Variants in WDR11 observed in about 807,000 individuals in gnomAD.
WDR11 encodes the protein WD repeat-containing protein 11.
In WDR11, 83 loss-of-function variants were observed where a neutral mutation model predicts 151.2. The ratio of observed to expected loss-of-function variants is 0.55; its 90% confidence interval spans 0.46 to 0.66. The LOEUF (loss-of-function observed/expected upper bound fraction) is 0.66, where lower values mean the gene tolerates loss of function less well. WDR11 is among the 30% of genes least tolerant of loss of function. The probability of loss-of-function intolerance (pLI) is 0.00; values close to 1 mark genes in which losing one functional copy is unlikely to be tolerated. For missense variants in WDR11, 1,301 were observed against 1,480.9 expected (o/e 0.88, Z 1.99); for synonymous variants, 484 against 533.1 (o/e 0.91, Z 1.27).
intron 13 of WDR11, among the ~76,000 whole-genome samples, 177 bp from the exon 14 acceptor site, chr10:120,883,603 G>A (rs1468362746): frequency 1.3e-5 from 2 of 152,200 alleles, no homozygotes; most frequent in Non-Finnish European, 2.9e-5. Context: ...TCTCTTACAG[G>A]TCACTTAGAG....
At chr10:120,885,254 G>C (rs531303888) in intron 14 of WDR11, 3 of 150,298 alleles carry the variant, frequency 2.0e-5, no homozygotes, top group East Asian at 1.9e-4. Context: ...AGTGGAAAGA[G>C]TAAGAAACAG....
intron 17 of WDR11, 47 bp from the exon 18 acceptor site, chr10:120,889,847 CA>C: frequency 1.6e-6 from 2 of 1,284,732 alleles, no homozygotes; most frequent in East Asian, 4.6e-5. Flanking sequence ...TTCTGGTGAC[CA>C]GATCTCACTC....
chr10:120,896,322 G>C (rs1487343302), intron 19 of WDR11, among the ~76,000 whole-genome samples: 1 of 152,198 alleles, frequency 6.6e-6, no homozygotes, highest in African/African-American at 2.4e-5. Context: ...AGAATAGTTA[G>C]AAGATGTAGA....
intron 19 of WDR11, among the ~76,000 whole-genome samples, chr10:120,894,283 TTTTTCCTAAGTAAGCA>T (rs1847529151): frequency 6.6e-6 from 1 of 152,166 alleles, no homozygotes; most frequent in Non-Finnish European, 1.5e-5. Context: ...GCTAAGCACA[TTTTTCCTAAGTAAGCA>T]TATATAGAAA....
intron 19 of WDR11, among the ~76,000 whole-genome samples, chr10:120,899,054 G>A (rs1293837386): frequency 2.0e-5 from 3 of 152,174 alleles, no homozygotes; most frequent in Non-Finnish European, 2.9e-5. Flanking sequence ...GGTCGAGTCC[G>A]ATAGAGTGTA....
intron 17 of WDR11, 153 bp downstream of exon 17, chr10:120,889,337 A>T (rs1847338344): frequency 1.6e-6 from 1 of 629,024 alleles, no homozygotes; most frequent in African/African-American, 1.8e-5. Flanking sequence ...TCCCGGGTTC[A>T]TGCCATTCTC....
intron 14 of WDR11, among the ~76,000 whole-genome samples, chr10:120,884,465 A>G (rs1847143843): frequency 6.6e-6 from 1 of 152,176 alleles, no homozygotes; most frequent in Non-Finnish European, 1.5e-5. Flanking sequence ...ATCTCTACTT[A>G]ATACCGTATA....
At chr10:120,885,977 T>C in intron 15 of WDR11, 39 bp downstream of exon 15, 1 of 1,610,976 alleles carries the variant, frequency 6.2e-7, no homozygotes, top group Non-Finnish European at 8.5e-7. Context: ...ATTTGTGCCA[T>C]TAGCATCATG....
intron 25 of WDR11, among the ~76,000 whole-genome samples, 192 bp from the exon 26 acceptor site, chr10:120,905,127 C>T (rs1026604819): frequency 6.6e-6 from 1 of 152,150 alleles, no homozygotes; most frequent in African/African-American, 2.4e-5. Context: ...CTGTATTGTG[C>T]TTCCTACCCT....
intron 9 of WDR11, among the ~76,000 whole-genome samples, chr10:120,870,424 A>G (rs2133755105): frequency 6.6e-6 from 1 of 152,254 alleles, no homozygotes; most frequent in South Asian, 2.1e-4. Context: ...TACCTTTTTA[A>G]TGAACAGTCT....
chr10:120,886,963 T>C, intron 16 of WDR11, 127 bp downstream of exon 16: 3 of 1,002,298 alleles, frequency 3.0e-6, no homozygotes, highest in Non-Finnish European at 4.5e-6. Flanking sequence ...TTTAAGGAGA[T>C]ATTATCGATT....
rs139368990 is a variant in WDR11 at position 120,862,752 on chromosome 10, A to G, written c.544A>G (p.Ile182Val). 35 of 1,614,108 alleles carry G rather than the reference A, an allele frequency of 2.2e-5. No individual in the cohort carries two copies. The African/African-American group carries it at 4.4e-4, about 20-fold the overall frequency. Residue 182 changes from isoleucine to valine, a missense_variant, in exon 5 of 29, where the codon ATT (isoleucine) becomes GTT (valine). By Grantham distance (29) the Ile-to-Val change is conservative (BLOSUM62 3). Coordinates refer to ENST00000263461, the MANE Select transcript of WDR11 (RefSeq NM_018117.12). The stretch of plus-strand genomic sequence containing the variant: ...CAATATAGTGCTTACCAGCGAGGGT[A>G]TTGTTTTCATCTCAGACTTCTCCCC... ...SHLTLLTSEG[I>V]VFISDFSPSK...
chr10:120,869,273 G>T (rs918412121), intron 9 of WDR11, among the ~76,000 whole-genome samples: 1 of 151,832 alleles, frequency 6.6e-6, no homozygotes, highest in Non-Finnish European at 1.5e-5. Context: ...ACCACGCCCG[G>T]CTAATTTTTT....
chr10:120,876,144 A>G (rs1244930421), intron 11 of WDR11, among the ~76,000 whole-genome samples: 2 of 151,686 alleles, frequency 1.3e-5, no homozygotes, highest in Non-Finnish European at 2.9e-5. Flanking sequence ...ACGCCCAGCT[A>G]ATTTTTGTAT....
chr10:120,858,633 CTTG>C lies in WDR11; in HGVS notation c.199-9_199-7del, dbSNP rs772910800. ...AAGTATTTACTTGATCTGATTTCTT[CTTG>C]ATACAGGTTAAATGGGCCAGGGAAA... On this transcript the variant is annotated splice_region_variant and splice_polypyrimidine_tract_variant and intron_variant, in intron 2 of 28. Transcript: ENST00000263461. The C allele has an allele frequency of 4.3e-6, 7 of 1,614,122 alleles. No homozygotes were observed. The highest frequency in any genetic ancestry group is 5.9e-6 in the Non-Finnish European group (7 of 1,180,004).
chr10:120,896,359 C>T (rs980657316), intron 19 of WDR11, among the ~76,000 whole-genome samples: 5 of 152,092 alleles, frequency 3.3e-5, no homozygotes, highest in African/African-American at 1.2e-4. Context: ...ATGGGGATAG[C>T]AGTGAAACTT....
rs1845762704 is a variant in WDR11, at chr10:120,851,367, G to C, written c.-54G>C. 8 of 1,526,542 alleles carry C rather than the reference G, an allele frequency of 5.2e-6. No homozygotes were observed. The highest frequency in any genetic ancestry group is 7.2e-6 in the Non-Finnish European group (8 of 1,118,012). 94.6% of individuals were successfully genotyped at this position (1,526,542 alleles called of 1,614,324 possible). A position where few individuals can be genotyped will look rare whatever the true frequency, so the allele number is the denominator to read the frequency against. ...ACTCTGTTTGGAACGGAAGCACAGT[G>C]TCCGCCGCTTCCTGGTTGCGGGTCA... On this transcript the variant is annotated 5_prime_UTR_variant, in exon 1 of 29. Transcript: ENST00000263461.
intron 19 of WDR11, among the ~76,000 whole-genome samples, chr10:120,896,288 C>T (rs1362839248): frequency 3.3e-5 from 5 of 152,104 alleles, no homozygotes; most frequent in Admixed American, 6.5e-5. Flanking sequence ...ACCACACATA[C>T]ACAGAATAAT....
chr10:120,862,264 TG>T (rs1846167730), intron 4 of WDR11, among the ~76,000 whole-genome samples: 1 of 151,854 alleles, frequency 6.6e-6, no homozygotes, highest in African/African-American at 2.4e-5. Context: ...CTCACTCTCC[TG>T]AGTTGCTGGG....
Sources: gnomAD v4.1 joint callset for allele counts (sites outside exome capture counted in the v4.1 genomes callset) on GRCh38, gnomAD v4.1.1 for gene constraint, MANE v1.5 for transcripts, NCBI Gene and HGNC (gene_info 2026-07-23, HGNC 2026-07-21) for gene names.